SYNPO2: variants seen among roughly 807,000 people sequenced by gnomAD.
SYNPO2 encodes the protein synaptopodin 2.
A neutral mutation model predicts 85.0 loss-of-function variants in SYNPO2; 56 were observed. The ratio of observed to expected loss-of-function variants is 0.66; its 90% CI spans 0.53 to 0.82. The LOEUF (loss-of-function observed/expected upper bound fraction) is 0.82, where lower values mean the gene tolerates loss of function less well. Ranked by LOEUF, SYNPO2 falls within the 40% of genes least tolerant of loss-of-function variation. The pLI, the probability that SYNPO2 is intolerant of heterozygous loss-of-function variation, is 0.00. For missense variants in SYNPO2, 1,575 were observed against 1,534.2 expected (o/e 1.03, Z -0.44); for synonymous variants, 602 against 591.1 (o/e 1.02, Z -0.27).
At chr4:118,961,762 C>T (rs185329497) in intron 1 of SYNPO2, among the ~76,000 whole-genome samples, 33 of 152,308 alleles carry the variant, frequency 2.2e-4, no homozygotes, top group Admixed American at 2.0e-3. Flanking sequence ...TGTCAAATCA[C>T]GGACATACAA....
chr4:118,869,250 G>A (rs547895279), intron 1 of SYNPO2, among the ~76,000 whole-genome samples: 251 of 152,060 alleles, frequency 1.7e-3, no homozygotes, highest in African/African-American at 5.3e-3. Context: ...TAGAGTCGGG[G>A]TTTCTCTATG....
intron 4 of SYNPO2, chr4:119,032,550 G>A (rs1409816888): frequency 2.0e-6 from 2 of 996,886 alleles, no homozygotes; most frequent in East Asian, 1.0e-4. Flanking sequence ...GCTCTGGTCT[G>A]TCAATCTCAG....
chr4:119,021,137 T>C (rs1246703621), intron 1 of SYNPO2, among the ~76,000 whole-genome samples: 1 of 152,180 alleles, frequency 6.6e-6, no homozygotes, highest in African/African-American at 2.4e-5. Flanking sequence ...TTGTAATTTA[T>C]GACAATAGAA....
chr4:118,869,824 A>G (rs1731770870), intron 1 of SYNPO2, among the ~76,000 whole-genome samples: 1 of 152,240 alleles, frequency 6.6e-6, no homozygotes, highest in South Asian at 2.1e-4. Context: ...ATGAAATCTC[A>G]GCCACGGTTA....
At position 118,916,763 on chromosome 4, in the gene SYNPO2, T is replaced by C. The variant is rs563487398; in HGVS notation, c.105+27622T>C. 2.1e-5 allele frequency among the ~76,000 whole-genome samples: 3 copies of C among 145,000 alleles called. No individual in the cohort carries two copies. The South Asian group carries it at 6.7e-4, about 33-fold the overall frequency. On this transcript the variant is annotated intron_variant, in intron 1 of 4. Coordinates refer to ENST00000307142, the MANE Select transcript of SYNPO2 (RefSeq NM_133477.3). Reference sequence around the variant, plus strand: ...TTTTTTTTTTCTAGAAACAGGGTCTTACTCTGTCCCCCGGGCTGGAGTGCA... The same window carrying C: ...TTTTTTTTTTCTAGAAACAGGGTCTCACTCTGTCCCCCGGGCTGGAGTGCA...
rs568169292 is a variant in SYNPO2, at chr4:118,954,579, T to G, written c.105+65438T>G. On this transcript the variant is annotated intron_variant, in intron 1 of 4. Coordinates refer to ENST00000307142, the MANE Select transcript of SYNPO2 (RefSeq NM_133477.3). ...ACTAGGCATAATTCAGGCATAAAAC[T>G]GAGCCACAGGGGGAAAATACTTATT... is the stretch of plus-strand genomic sequence containing the variant. Among the ~76,000 whole-genome samples the G allele has an allele frequency of 6.6e-5, 10 of 152,346 alleles. No homozygotes were observed. In the South Asian group the frequency reaches 2.1e-3, roughly 32 times the overall value.
chr4:118,913,286 G>A (rs1298142157), intron 1 of SYNPO2, among the ~76,000 whole-genome samples: 1 of 152,170 alleles, frequency 6.6e-6, no homozygotes, highest in East Asian at 1.9e-4. Context: ...ATAAAGAGAA[G>A]TGTTAACATT....
At chr4:119,012,844 G>A (rs1199156803) in intron 1 of SYNPO2, among the ~76,000 whole-genome samples, 1 of 152,088 alleles carries the variant, frequency 6.6e-6, no homozygotes, top group African/African-American at 2.4e-5. Context: ...GTAAATGGCA[G>A]CACATTGTTC....
At chr4:118,960,169 A>C (rs1735029017) in intron 1 of SYNPO2, among the ~76,000 whole-genome samples, 1 of 152,110 alleles carries the variant, frequency 6.6e-6, no homozygotes, top group Admixed American at 6.6e-5. Flanking sequence ...CCCTGCTGAC[A>C]CCTTGATTTT....
At chr4:119,005,169 G>A (rs143969872) in intron 1 of SYNPO2, among the ~76,000 whole-genome samples, 19 of 152,044 alleles carry the variant, frequency 1.2e-4, no homozygotes, top group Non-Finnish European at 2.9e-5. Context: ...TTCTCCCATT[G>A]TGTAGGTTGC....
chr4:118,967,079 C>T (rs558636231), intron 1 of SYNPO2, among the ~76,000 whole-genome samples: 43 of 152,254 alleles, frequency 2.8e-4, no homozygotes, highest in African/African-American at 1.0e-3. Flanking sequence ...TCTATGAATT[C>T]TTATAACAAC....
At chr4:118,969,451 T>C (rs939431163) in intron 1 of SYNPO2, among the ~76,000 whole-genome samples, 5 of 152,238 alleles carry the variant, frequency 3.3e-5, no homozygotes, top group Non-Finnish European at 1.5e-5. Context: ...GGGTTTATAT[T>C]ATCCATTACC....
intron 2 of SYNPO2, among the ~76,000 whole-genome samples, chr4:119,026,135 T>G (rs889038935): frequency 1.3e-5 from 2 of 152,186 alleles, no homozygotes; most frequent in Admixed American, 1.3e-4. Flanking sequence ...ACAGCTTCTA[T>G]TTCATTCCTT....
intron 1 of SYNPO2, among the ~76,000 whole-genome samples, chr4:118,967,111 A>G (rs1031625242): frequency 5.9e-5 from 9 of 152,170 alleles, no homozygotes; most frequent in Admixed American, 5.9e-4. Context: ...GGAGTGTACT[A>G]TTATTCCCTT....
intron 1 of SYNPO2, among the ~76,000 whole-genome samples, chr4:118,901,994 A>G (rs1040416641): frequency 1.2e-4 from 18 of 151,546 alleles, no homozygotes; most frequent in Non-Finnish European, 8.8e-5. Context: ...TTCTAAAGGT[A>G]CAGGAGCCCT....
intron 4 of SYNPO2, chr4:119,037,061 G>GT (rs1456081259): frequency 4.6e-6 from 7 of 1,510,332 alleles, no homozygotes; most frequent in Non-Finnish European, 6.2e-6. Flanking sequence ...GTTTACCTCT[G>GT]TTTATGTCAT....
intron 1 of SYNPO2, among the ~76,000 whole-genome samples, chr4:118,993,962 G>A (rs1481587655): frequency 6.6e-6 from 1 of 152,170 alleles, no homozygotes; most frequent in African/African-American, 2.4e-5. Context: ...GGCTTAAGCC[G>A]GACCAGCTGA....
chr4:119,013,946 T>A (rs1599057), intron 1 of SYNPO2, among the ~76,000 whole-genome samples: 100,625 of 152,080 alleles, frequency 0.66, 33,388 homozygotes, highest in Middle Eastern at 0.71. Flanking sequence ...GTTGAGTTCA[T>A]TGTGATATCA....
At chr4:118,912,957 C>T (rs983019082) in intron 1 of SYNPO2, among the ~76,000 whole-genome samples, 1 of 152,084 alleles carries the variant, frequency 6.6e-6, no homozygotes, top group African/African-American at 2.4e-5. Context: ...GGGTCTATGA[C>T]CATTAGAAGA....
Sources: allele counts gnomAD v4.1 joint callset (sites outside exome capture counted in the v4.1 genomes callset), GRCh38; gene constraint gnomAD v4.1.1; transcripts MANE v1.5; gene names NCBI Gene and HGNC (gene_info 2026-07-23, HGNC 2026-07-21).